The following PGM2L1 variants were observed in gnomAD, a reference collection of about 807,000 sequenced individuals.
PGM2L1 encodes glucose 1,6-bisphosphate synthase.
A neutral mutation model predicts 73.4 loss-of-function variants in PGM2L1; 35 were observed. That is an observed-to-expected ratio of 0.48 (90% CI 0.36 to 0.63). The LOEUF (loss-of-function observed/expected upper bound fraction) is 0.63, where lower values mean the gene tolerates loss of function less well. Among genes scored for constraint, PGM2L1 ranks in the 30% least tolerant of loss-of-function variants. PGM2L1 has a pLI of 0.00. For missense variants in PGM2L1, 570 were observed against 742.0 expected (o/e 0.77, Z 2.69); for synonymous variants, 225 against 253.8 (o/e 0.89, Z 1.08).
At chr11:74,346,438 C>G (rs1180591568) in intron 8 of PGM2L1, among the ~76,000 whole-genome samples, 1 of 151,876 alleles carries the variant, frequency 6.6e-6, no homozygotes, top group East Asian at 1.9e-4. Context: ...TTATACTTAA[C>G]CATTACACTG....
rs773512251 is a variant in PGM2L1, at chr11:74,386,479, AC to A, written c.111+11571del. ...TTGGCAATATCTGTCAAAAAAAAAAACTTTTTTTTTTTTTGAGGTAGGGTCC... is the reference window on the plus strand; with the variant it reads ...TTGGCAATATCTGTCAAAAAAAAAAATTTTTTTTTTTTTGAGGTAGGGTCC... On this transcript the variant is annotated intron_variant, in intron 1 of 13. Transcript: ENST00000298198. 2.6e-3 allele frequency among the ~76,000 whole-genome samples: 385 copies of A among 150,774 alleles called. 3 individuals carry two copies. The highest frequency in any genetic ancestry group is 3.0e-3 in the Non-Finnish European group (201 of 67,664).
intron 1 of PGM2L1, among the ~76,000 whole-genome samples, chr11:74,394,241 T>C (rs1003647692): frequency 9.9e-5 from 15 of 152,256 alleles, no homozygotes; most frequent in African/African-American, 3.4e-4. Flanking sequence ...TGACTTCTCC[T>C]ATGGTGCATC....
chr11:74,395,003 C>G (rs959027936), intron 1 of PGM2L1, among the ~76,000 whole-genome samples: 1 of 152,108 alleles, frequency 6.6e-6, no homozygotes, highest in African/African-American at 2.4e-5. Flanking sequence ...TGCCATGAGT[C>G]TGATCTTATT....
At position 74,398,333 on chromosome 11, in the gene PGM2L1, G is replaced by A. The variant is rs769349541; in HGVS notation, c.-172C>T. ...CTGCCGCGGCGTCAGGGAACCGGGA[G>A]AGAGGGGGTTTATGGCCGCCTGCTC... On this transcript the variant is annotated 5_prime_UTR_variant, in exon 1 of 14. Coordinates refer to ENST00000298198, the MANE Select transcript of PGM2L1 (RefSeq NM_173582.6). 8.3e-6 allele frequency: 9 copies of A among 1,080,726 alleles called. No homozygotes were observed. Among genetic ancestry groups the A allele is most frequent in the African/African-American group, 1.6e-5 (1 of 62,292 alleles). The allele number at this position is 1,080,726 out of a possible 1,614,324, so 66.9% of individuals were successfully genotyped here. A position where few individuals can be genotyped will look rare whatever the true frequency, so the allele number is the denominator to read the frequency against.
In PGM2L1 at chr11:74,334,010, A is replaced by G. The variant is rs1426552215; in HGVS notation, c.*2642T>C. On this transcript the variant is annotated 3_prime_UTR_variant, in exon 14 of 14. Coordinates refer to ENST00000298198, the MANE Select transcript of PGM2L1 (RefSeq NM_173582.6). ...TCACTGAATTTATCCTGTTAGGCAA[A>G]TGTGCACCTACTACATCAAGTTCAT... is the stretch of plus-strand genomic sequence containing the variant. The G allele has an allele frequency of 6.6e-6, 1 of 152,206 alleles. No individual in the cohort carries two copies. The highest frequency in any genetic ancestry group is 1.9e-4 in the East Asian group (1 of 5,204). The allele number at this position is 152,206 out of a possible 1,614,324, so 9.4% of individuals were successfully genotyped here.
At chr11:74,343,988 G>C (rs915231353) in intron 9 of PGM2L1, among the ~76,000 whole-genome samples, 9 of 151,790 alleles carry the variant, frequency 5.9e-5, no homozygotes, top group Admixed American at 4.6e-4. Flanking sequence ...TGTTGGTCAG[G>C]CTGGTCTTGA....
intron 1 of PGM2L1, among the ~76,000 whole-genome samples, chr11:74,389,664 G>A (rs1316867267): frequency 6.6e-6 from 1 of 151,060 alleles, no homozygotes; most frequent in Non-Finnish European, 1.5e-5. Context: ...TGGCCAGGCT[G>A]GTCTCGAACT....
intron 5 of PGM2L1, among the ~76,000 whole-genome samples, chr11:74,364,566 A>G (rs1457715689): frequency 1.3e-5 from 2 of 152,214 alleles, no homozygotes; most frequent in Non-Finnish European, 2.9e-5. Flanking sequence ...CTTATACACC[A>G]ATAACAGACA....
chr11:74,364,205 G>T (rs530191227), intron 5 of PGM2L1, among the ~76,000 whole-genome samples: 69 of 152,246 alleles, frequency 4.5e-4, no homozygotes, highest in African/African-American at 1.6e-3. Context: ...GGTATTAATG[G>T]GATGTATTTC....
rs1051264143 is a variant in PGM2L1, at chr11:74,335,411, C to G, written c.*1241G>C. 3.3e-5 allele frequency: 5 copies of G among 152,014 alleles called. No homozygotes were observed. In the East Asian group the frequency reaches 5.8e-4, roughly 18 times the overall value. 9.4% of individuals were successfully genotyped at this position (152,014 alleles called of 1,614,324 possible). Reference sequence around the variant, plus strand: ...CTGGGATTACAGGCGTGAGCCACTGCGCCCAGCCCAAAAGTGACTTTTTGT... The same window carrying G: ...CTGGGATTACAGGCGTGAGCCACTGGGCCCAGCCCAAAAGTGACTTTTTGT... On this transcript the variant is annotated 3_prime_UTR_variant, in exon 14 of 14. Coordinates refer to ENST00000298198, the MANE Select transcript of PGM2L1 (RefSeq NM_173582.6).
intron 1 of PGM2L1, among the ~76,000 whole-genome samples, chr11:74,381,904 C>T (rs1862952763): frequency 6.6e-6 from 1 of 151,578 alleles, no homozygotes; most frequent in Admixed American, 6.6e-5. Flanking sequence ...CATTGCTTCC[C>T]CCCCACCCCC....
chr11:74,348,030 C>CA (rs1297508861), intron 6 of PGM2L1, among the ~76,000 whole-genome samples: 1 of 152,122 alleles, frequency 6.6e-6, no homozygotes, highest in Non-Finnish European at 1.5e-5. Context: ...AGACACAGAG[C>CA]CATTTGATGG....
In PGM2L1 at chr11:74,330,511, C is replaced by T. The variant is rs1861995105; in HGVS notation, c.*6141G>A. 6.6e-6 allele frequency: 1 copy of T among 152,590 alleles called. No individual in the cohort carries two copies. Among genetic ancestry groups the T allele is most frequent in the African/African-American group, 2.4e-5 (1 of 41,448 alleles). The allele number at this position is 152,590 out of a possible 1,614,324, so 9.5% of individuals were successfully genotyped here. On this transcript the variant is annotated 3_prime_UTR_variant, in exon 14 of 14. Transcript: ENST00000298198. ...CACAATTTTGAACTACTGCTACACACTTTAGTCAGAAAAATAATTCATTCT... is the reference window on the plus strand; with the variant it reads ...CACAATTTTGAACTACTGCTACACATTTTAGTCAGAAAAATAATTCATTCT...
intron 5 of PGM2L1, among the ~76,000 whole-genome samples, chr11:74,360,573 T>G (rs187076323): frequency 2.0e-5 from 3 of 152,160 alleles, no homozygotes; most frequent in Admixed American, 2.0e-4. Context: ...GGACAGTGGG[T>G]GCAGCCCATC....
intron 5 of PGM2L1, chr11:74,355,070 T>G (rs1591174359): frequency 7.8e-7 from 1 of 1,278,114 alleles, no homozygotes; most frequent in Non-Finnish European, 1.1e-6. Flanking sequence ...GTCGTGGAGG[T>G]GGTTTTGGTG....
At chr11:74,352,826 T>C (rs1380695577) in intron 5 of PGM2L1, among the ~76,000 whole-genome samples, 2 of 152,170 alleles carry the variant, frequency 1.3e-5, no homozygotes, top group Admixed American at 1.3e-4. Flanking sequence ...GGGACTGATA[T>C]TGTGGTTACC....
At chr11:74,396,484 C>G (rs12365110) in intron 1 of PGM2L1, among the ~76,000 whole-genome samples, 5,573 of 151,938 alleles carry the variant, frequency 0.037, 140 homozygotes, top group Middle Eastern at 0.099. Context: ...GCGCGATCTC[C>G]GCTCACTGCA....
chr11:74,381,694 T>C (rs890524736), intron 1 of PGM2L1, among the ~76,000 whole-genome samples: 8 of 149,896 alleles, frequency 5.3e-5, no homozygotes, highest in Non-Finnish European at 8.9e-5. Context: ...TCCTCCTGCC[T>C]TGGCCTCCCC....
chr11:74,352,813 T>C (rs1211965362), intron 5 of PGM2L1, among the ~76,000 whole-genome samples: 1 of 152,198 alleles, frequency 6.6e-6, no homozygotes, highest in Non-Finnish European at 1.5e-5. Flanking sequence ...ATGATAAGCC[T>C]GTGGGACTGA....
Sources: gnomAD v4.1 joint callset for allele counts (sites outside exome capture counted in the v4.1 genomes callset) on GRCh38, gnomAD v4.1.1 for gene constraint, MANE v1.5 for transcripts, NCBI Gene and HGNC (gene_info 2026-07-23, HGNC 2026-07-21) for gene names.